NRG1: variants seen among roughly 807,000 people sequenced by gnomAD.
The protein encoded by NRG1 is neuregulin 1, also known as pro-neuregulin-1, membrane-bound isoform.
NRG1 carries 18 observed loss-of-function variants against 63.8 expected under a neutral mutation model. The ratio of observed to expected loss-of-function variants is 0.28; its 90% CI spans 0.19 to 0.42. NRG1 has a LOEUF of 0.42. Ranked by LOEUF, NRG1 falls within the 10% of genes least tolerant of loss-of-function variation. The probability of loss-of-function intolerance (pLI) is 1.00; values close to 1 mark genes in which losing one functional copy is unlikely to be tolerated. For synonymous variants in NRG1, 302 were observed against 301.3 expected (o/e 1.00, Z -0.02); for missense variants, 762 against 814.7 (o/e 0.94, Z 0.79).
At chr8:32,511,396 T>TAA (rs1242056796) in intron 1 of NRG1, among the ~76,000 whole-genome samples, 2 of 136,884 alleles carry the variant, frequency 1.5e-5, no homozygotes, top group African/African-American at 5.3e-5. Context: ...TATATATATA[T>TAA]ATAAATAAAA....
intron 1 of NRG1, among the ~76,000 whole-genome samples, chr8:31,699,453 A>G (rs941635598): frequency 2.0e-5 from 3 of 152,270 alleles, no homozygotes; most frequent in Admixed American, 6.5e-5. Flanking sequence ...TTAGTTGCCC[A>G]AGTTGTGTCT....
intron 5 of NRG1, among the ~76,000 whole-genome samples, chr8:32,646,052 T>C (rs906890880): frequency 6.6e-6 from 1 of 152,180 alleles, no homozygotes; most frequent in Non-Finnish European, 1.5e-5. Context: ...ACCTCTGCAG[T>C]GTGGAGTCAC....
chr8:32,203,581 C>T (rs897522736), intron 1 of NRG1, among the ~76,000 whole-genome samples: 3 of 151,976 alleles, frequency 2.0e-5, no homozygotes, highest in South Asian at 2.1e-4. Context: ...AGGCTGGTCT[C>T]GAACTCCTGA....
In NRG1 at chr8:31,880,040, C is replaced by T. The variant is rs377233083; in HGVS notation, c.37+240609C>T. Among the ~76,000 whole-genome samples, 38 of 152,048 alleles carry T rather than the reference C, an allele frequency of 2.5e-4. No homozygotes were observed. In the South Asian group the frequency reaches 6.9e-3, roughly 27 times the overall value. On this transcript the variant is annotated intron_variant, in intron 1 of 10. Coordinates refer to the NRG1 transcript ENST00000519301. Reference sequence around the variant, plus strand: ...AACATTGGCATGTATGTGTCTTTTCCGGTGAGGTTGCAGAGAAAAGAGAAC... The same window carrying T: ...AACATTGGCATGTATGTGTCTTTTCTGGTGAGGTTGCAGAGAAAAGAGAAC...
chr8:31,772,371 G>A (rs1309602281), intron 1 of NRG1, among the ~76,000 whole-genome samples: 1 of 152,082 alleles, frequency 6.6e-6, no homozygotes, highest in East Asian at 1.9e-4. Flanking sequence ...ACACAGTAAG[G>A]GCTCCATCTG....
intron 1 of NRG1, among the ~76,000 whole-genome samples, chr8:32,164,688 G>A (rs186973069): frequency 2.6e-4 from 40 of 152,226 alleles, no homozygotes; most frequent in African/African-American, 9.6e-4. Flanking sequence ...CACAACATAA[G>A]TTGGATAAAT....
intron 1 of NRG1, among the ~76,000 whole-genome samples, chr8:32,159,222 T>G (rs1016823564): frequency 1.3e-5 from 2 of 152,232 alleles, no homozygotes; most frequent in East Asian, 1.9e-4. Flanking sequence ...GTACATTGAT[T>G]GTTTTAGTTT....
intron 5 of NRG1, among the ~76,000 whole-genome samples, chr8:32,627,317 CTT>C (rs1168986753): frequency 1.3e-5 from 2 of 152,072 alleles, no homozygotes; most frequent in Non-Finnish European, 2.9e-5. Context: ...TAACTAGAAA[CTT>C]TTAGAAAAAC....
At chr8:31,678,723 TA>T (rs1414706455) in intron 1 of NRG1, among the ~76,000 whole-genome samples, 1 of 148,306 alleles carries the variant, frequency 6.7e-6, no homozygotes, top group Admixed American at 6.8e-5. Flanking sequence ...ATTAAAGTAT[TA>T]AATATTTATA....
chr8:32,028,821 T>C (rs1446538315), intron 1 of NRG1, among the ~76,000 whole-genome samples: 4 of 152,300 alleles, frequency 2.6e-5, no homozygotes, highest in South Asian at 2.1e-4. Context: ...ATTTGCAGTA[T>C]TAAATAGATA....
chr8:32,686,242 C>A lies in NRG1; in HGVS notation c.503-41707C>A, dbSNP rs530002222. ...AATATATGGCAAAAAGAGAAAAAAA[C>A]TCTAGGATTCCAAATTATAAGCACT... is the stretch of plus-strand genomic sequence containing the variant. On this transcript the variant is annotated intron_variant, in intron 5 of 11. Coordinates refer to ENST00000356819, the Ensembl canonical transcript of NRG1. Among the ~76,000 whole-genome samples the A allele has an allele frequency of 5.2e-4, 79 of 152,150 alleles. No individual in the cohort carries two copies. The South Asian group carries it at 5.2e-3, about 10-fold the overall frequency.
intron 1 of NRG1, among the ~76,000 whole-genome samples, chr8:32,244,280 G>T (rs62497575): frequency 2.4e-4 from 37 of 152,194 alleles, no homozygotes; most frequent in African/African-American, 8.9e-4. Context: ...CCTTAGGAGC[G>T]TTGAGGCTGA....
chr8:32,217,002 C>G (rs1283969148), intron 1 of NRG1, among the ~76,000 whole-genome samples: 2 of 151,914 alleles, frequency 1.3e-5, no homozygotes, highest in African/African-American at 2.4e-5. Context: ...CTCTTGAGAT[C>G]AGGAGTTCAA....
At chr8:31,800,843 T>TC (rs950946117) in intron 1 of NRG1, among the ~76,000 whole-genome samples, 3 of 136,810 alleles carry the variant, frequency 2.2e-5, no homozygotes, top group Admixed American at 7.2e-5. Flanking sequence ...CTTTCTTTTT[T>TC]TTTTTTTTTT....
At chr8:31,693,190 C>T (rs757886035) in intron 1 of NRG1, among the ~76,000 whole-genome samples, 2 of 152,112 alleles carry the variant, frequency 1.3e-5, no homozygotes, top group Non-Finnish European at 2.9e-5. Flanking sequence ...AAAGGGATTC[C>T]AAAGCTCTTG....
intron 1 of NRG1, among the ~76,000 whole-genome samples, chr8:31,870,202 A>G (rs959840509): frequency 2.6e-5 from 4 of 152,138 alleles, no homozygotes; most frequent in Non-Finnish European, 4.4e-5. Flanking sequence ...ATAAGAGGAC[A>G]AAAGAATTTG....
chr8:31,825,895 T>C (rs2129604428), intron 1 of NRG1, among the ~76,000 whole-genome samples: 1 of 152,328 alleles, frequency 6.6e-6, no homozygotes, highest in African/African-American at 2.4e-5. Flanking sequence ...GCAGATATAG[T>C]GCTAGTTACT....
At position 32,331,526 on chromosome 8, in the gene NRG1, G is replaced by C. The variant is rs145226185; in HGVS notation, c.38-264302G>C. On this transcript the variant is annotated intron_variant, in intron 1 of 10. Transcript: ENST00000519301. ...AGCCTGGGTGACAGAGGGAGATCTT[G>C]TCTCTTAAAAAAACAAAAGTTTCTT... Among the ~76,000 whole-genome samples, 30 of 152,006 alleles carry C rather than the reference G, an allele frequency of 2.0e-4. No individual in the cohort carries two copies. The East Asian group carries it at 5.8e-3, about 29-fold the overall frequency.
chr8:32,255,096 G>C (rs1326259430), intron 1 of NRG1, among the ~76,000 whole-genome samples: 1 of 152,118 alleles, frequency 6.6e-6, no homozygotes, highest in Non-Finnish European at 1.5e-5. Context: ...CTTTGCACGT[G>C]AGACGTGTCT....
Sources: gnomAD v4.1 joint callset for allele counts (sites outside exome capture counted in the v4.1 genomes callset) on GRCh38, gnomAD v4.1.1 for gene constraint, MANE v1.5 for transcripts, NCBI Gene and HGNC (gene_info 2026-07-23, HGNC 2026-07-21) for gene names.